The following GRAP2 variants were observed in gnomAD, a reference collection of about 807,000 sequenced individuals.
GRAP2 encodes the protein GRB2 related adaptor protein 2, also known as GRB2-related adapter protein 2.
In GRAP2, 31 loss-of-function variants were observed where a neutral mutation model predicts 43.5. The ratio of observed to expected loss-of-function variants is 0.71; its 90% CI spans 0.54 to 0.96. GRAP2 has a LOEUF of 0.96. Among genes scored for constraint, GRAP2 ranks in the 40% least tolerant of loss-of-function variants. The probability of loss-of-function intolerance (pLI) is 0.00; values close to 1 mark genes in which losing one functional copy is unlikely to be tolerated. For synonymous variants in GRAP2, 156 were observed against 164.8 expected (o/e 0.95, Z 0.41); for missense variants, 371 against 424.4 (o/e 0.87, Z 1.11).
intron 1 of GRAP2, among the ~76,000 whole-genome samples, chr22:39,929,868 T>C (rs1055157684): frequency 3.3e-5 from 5 of 152,150 alleles, no homozygotes; most frequent in Non-Finnish European, 7.4e-5. Context: ...CTTTCTGTAT[T>C]CCCTTATCTC....
chr22:39,911,957 G>A (rs1218674986), intron 1 of GRAP2, among the ~76,000 whole-genome samples: 1 of 152,194 alleles, frequency 6.6e-6, no homozygotes, highest in East Asian at 1.9e-4. Flanking sequence ...CTAGAGTGAA[G>A]GGATTTTCAC....
chr22:39,902,848 A>G (rs2066501374), intron 1 of GRAP2, among the ~76,000 whole-genome samples: 1 of 152,206 alleles, frequency 6.6e-6, no homozygotes, highest in Non-Finnish European at 1.5e-5. Context: ...GTGCCTTAGG[A>G]AAAAGGCTCT....
chr22:39,969,359 G>C, intron 6 of GRAP2, 52 bp from the exon 7 acceptor site: 3 of 1,608,770 alleles, frequency 1.9e-6, no homozygotes, highest in Non-Finnish European at 2.6e-6. Context: ...GGGGGAACCG[G>C]TGGGAGATGT....
chr22:39,955,413 A>AG (rs1468809226), intron 2 of GRAP2, among the ~76,000 whole-genome samples: 2 of 125,498 alleles, frequency 1.6e-5, no homozygotes, highest in Non-Finnish European at 3.9e-5. Flanking sequence ...TACCTGGAAG[A>AG]GAAAAAAAAA....
Position 39,968,081 on chromosome 22 carries a change from G to A in GRAP2, c.499G>A (p.Gly167Ser), listed in dbSNP as rs915124071. ...CAGCCTGGACCGGAGGTCCCAGGGA[G>A]GCCCACACCTCAGTGGGGCTGTGGG... ...GNSLDRRSQG[G>S]PHLSGAVGEE... The change falls in exon 6 of 8, where the codon GGC (glycine) becomes AGC (serine). Residue 167 changes from glycine to serine, a missense_variant. Gly to Ser is a moderately conservative substitution (Grantham distance 56). Transcript: ENST00000344138. 1 of 1,612,810 alleles carries A rather than the reference G, an allele frequency of 6.2e-7. No homozygotes were observed. The highest frequency in any genetic ancestry group is 8.5e-7 in the Non-Finnish European group (1 of 1,179,420).
chr22:39,937,718 G>A (rs944491844), intron 1 of GRAP2, among the ~76,000 whole-genome samples: 37 of 152,126 alleles, frequency 2.4e-4, no homozygotes, highest in African/African-American at 6.5e-4. Flanking sequence ...AGAAACTGAG[G>A]CACAGAGAAG....
chr22:39,903,416 G>A (rs1051966817), intron 1 of GRAP2, among the ~76,000 whole-genome samples: 22 of 151,478 alleles, frequency 1.5e-4, no homozygotes, highest in Admixed American at 5.9e-4. Flanking sequence ...TTGGGAGGCC[G>A]AGGTGGGCAG....
In GRAP2 at chr22:39,971,062, A is replaced by G; in HGVS notation, c.971A>G (p.Tyr324Cys). The G allele has an allele frequency of 6.2e-7, 1 of 1,613,476 alleles. No homozygotes were observed. Among genetic ancestry groups the G allele is most frequent in the African/African-American group, 1.3e-5 (1 of 74,992 alleles). Residue 324 changes from tyrosine to cysteine, a missense_variant, in exon 8 of 8, where the codon TAC becomes TGC. Physicochemically the swap from Tyr to Cys is radical, Grantham distance 194. Coordinates refer to ENST00000344138, the MANE Select transcript of GRAP2 (RefSeq NM_004810.4). Reference protein sequence around the residue: ...HNKLGLFPANYVAPMTR With the variant: ...HNKLGLFPANCVAPMTR ...AAGCTGGGCCTCTTCCCTGCCAACT[A>G]CGTGGCACCCATGACCCGATAAACT...
upstream of GRAP2, among the ~76,000 whole-genome samples, chr22:39,896,285 C>T (rs1047525434): frequency 6.6e-6 from 1 of 152,148 alleles, no homozygotes; most frequent in Non-Finnish European, 1.5e-5. Flanking sequence ...TGTTCACTCT[C>T]CTCACACATA....
Position 39,971,233 on chromosome 22 carries a change from C to G in GRAP2, c.*149C>G, listed in dbSNP as rs1042913204. ...ACTTTTTATACTAGTAATTTATTGG[C>G]AATTGGGCTGGTAATTAGTTGATGC... On this transcript the variant is annotated 3_prime_UTR_variant, in exon 8 of 8. Coordinates refer to ENST00000344138, the MANE Select transcript of GRAP2 (RefSeq NM_004810.4). 5 of 589,022 alleles carry G rather than the reference C, an allele frequency of 8.5e-6. No homozygotes were observed. Among genetic ancestry groups the G allele is most frequent in the Non-Finnish European group, 8.6e-6 (3 of 348,802 alleles). The allele number at this position is 589,022 out of a possible 1,614,324, so 36.5% of individuals were successfully genotyped here.
At chr22:39,941,205 G>A (rs1004228134) in intron 1 of GRAP2, among the ~76,000 whole-genome samples, 5 of 152,180 alleles carry the variant, frequency 3.3e-5, no homozygotes, top group South Asian at 2.1e-4. Context: ...TGCTAAGCCC[G>A]GGCTAGGCAT....
intron 1 of GRAP2, among the ~76,000 whole-genome samples, chr22:39,944,246 A>C (rs2066898414): frequency 6.6e-6 from 1 of 152,112 alleles, no homozygotes. Flanking sequence ...CCTGGTGGTA[A>C]TTTTTAAACT....
Position 39,930,468 on chromosome 22 carries a change from GATA to G in GRAP2, c.-14-16622_-14-16620del, listed in dbSNP as rs1291672067. Among the ~76,000 whole-genome samples, 3 of 152,272 alleles carry G rather than the reference GATA, an allele frequency of 2.0e-5. No individual in the cohort carries two copies. The East Asian group carries it at 5.8e-4, about 29-fold the overall frequency. On this transcript the variant is annotated intron_variant, in intron 1 of 7. Transcript: ENST00000344138. The stretch of plus-strand genomic sequence containing the variant: ...TGAGATTCTTGCATGCTTTAAATGA[GATA>G]ATGTGTAAAGTACTTACTATGGAGA...
intron 1 of GRAP2, among the ~76,000 whole-genome samples, chr22:39,938,776 G>A (rs1454434448): frequency 6.6e-6 from 1 of 152,260 alleles, no homozygotes. Flanking sequence ...GCCAGAGGAT[G>A]AATCGTTATT....
At chr22:39,915,952 A>G (rs2066599382) in intron 1 of GRAP2, among the ~76,000 whole-genome samples, 1 of 151,850 alleles carries the variant, frequency 6.6e-6, no homozygotes, top group East Asian at 1.9e-4. Flanking sequence ...GAGAGCATAC[A>G]CTCTCTTCTG....
chr22:39,914,086 G>T (rs2066586349), intron 1 of GRAP2, among the ~76,000 whole-genome samples: 1 of 151,974 alleles, frequency 6.6e-6, no homozygotes, highest in South Asian at 2.1e-4. Context: ...TTATCCTCTG[G>T]ACCTGCTCCA....
rs1416664384 is a variant in GRAP2 at position 39,971,135 on chromosome 22, G to A, written c.*51G>A. The stretch of plus-strand genomic sequence containing the variant: ...GTCTGGAGCTGCCCACAAGAAAGAG[G>A]GCAAGGAAAAAAGGCTGGACTCCAT... On this transcript the variant is annotated 3_prime_UTR_variant, in exon 8 of 8. Transcript: ENST00000344138. 4 of 1,440,916 alleles carry A rather than the reference G, an allele frequency of 2.8e-6. No homozygotes were observed. Among genetic ancestry groups the A allele is most frequent in the Admixed American group, 4.1e-5 (2 of 48,242 alleles). 89.3% of individuals were successfully genotyped at this position (1,440,916 alleles called of 1,614,324 possible).
At chr22:39,913,846 G>A (rs2066584501) in intron 1 of GRAP2, among the ~76,000 whole-genome samples, 1 of 152,102 alleles carries the variant, frequency 6.6e-6, no homozygotes, top group Non-Finnish European at 1.5e-5. Context: ...ATCCATCGAA[G>A]TCACAGCTTC....
intron 1 of GRAP2, among the ~76,000 whole-genome samples, chr22:39,942,411 T>C (rs550012740): frequency 1.3e-5 from 2 of 152,298 alleles, no homozygotes; most frequent in Non-Finnish European, 2.9e-5. Flanking sequence ...CTCTCAGTAG[T>C]AGCAGCAGCC....
Sources: gnomAD v4.1 joint callset for allele counts (sites outside exome capture counted in the v4.1 genomes callset) on GRCh38, gnomAD v4.1.1 for gene constraint, MANE v1.5 for transcripts, NCBI Gene and HGNC (gene_info 2026-07-23, HGNC 2026-07-21) for gene names.